NRXN1: variants seen among roughly 807,000 people sequenced by gnomAD.
The protein encoded by NRXN1 is neurexin 1, also known as neurexin-1.
NRXN1 carries 39 observed loss-of-function variants against 150.9 expected under a neutral mutation model. That is an observed-to-expected ratio of 0.26 (90% CI 0.20 to 0.34). The LOEUF (loss-of-function observed/expected upper bound fraction) is 0.34. Among genes scored for constraint, NRXN1 ranks in the 10% least tolerant of loss-of-function variants. The pLI, the probability that NRXN1 is intolerant of heterozygous loss-of-function variation, is 1.00. For synonymous variants in NRXN1, 924 were observed against 757.0 expected, an observed-to-expected ratio of 1.22 and a Z score of -3.62; for missense variants, 1,815 against 1,949.9, an observed-to-expected ratio of 0.93 and a Z score of 1.30.
intron 22 of NRXN1, among the ~76,000 whole-genome samples, chr2:49,940,459 G>A (rs1173500816): frequency 6.6e-6 from 1 of 152,066 alleles, no homozygotes; most frequent in Non-Finnish European, 1.5e-5. Flanking sequence ...CATTCAAGAT[G>A]GATTGCAAGC....
rs535884070 is a variant in NRXN1 at position 50,468,713 on chromosome 2, T to C, written c.3245-3152A>G. ...AAGGTAAACTTGAGTTTGAAACTTG[T>C]GTCATCCACTTACTAGGTGTGGGAC... On this transcript the variant is annotated intron_variant, in intron 16 of 22. Coordinates refer to ENST00000401669, the MANE Select transcript of NRXN1 (RefSeq NM_001330078.2). 5.3e-5 allele frequency among the ~76,000 whole-genome samples: 8 copies of C among 151,658 alleles called. No individual in the cohort carries two copies. The East Asian group carries it at 1.4e-3, about 26-fold the overall frequency.
intron 2 of NRXN1, among the ~76,000 whole-genome samples, chr2:50,972,089 A>C (rs1229024403): frequency 4.9e-5 from 6 of 122,224 alleles, no homozygotes; most frequent in Non-Finnish European, 9.6e-5. Context: ...TTTATTCACA[A>C]AAAAAAAAAA....
chr2:50,347,050 G>T lies in NRXN1; in HGVS notation c.3365-110080C>A. 1.5e-6 allele frequency: 2 copies of T among 1,379,284 alleles called. No individual in the cohort carries two copies. Among genetic ancestry groups the T allele is most frequent in the East Asian group, 4.2e-5 (1 of 23,650 alleles). 85.4% of individuals were successfully genotyped at this position (1,379,284 alleles called of 1,614,324 possible). On this transcript the variant is annotated intron_variant, in intron 17 of 22. Coordinates refer to ENST00000401669, the MANE Select transcript of NRXN1 (RefSeq NM_001330078.2). This position sits in a 1 kb window ranked among gnomAD's most constrained non-coding sequence, Gnocchi z 4.9. ...AGCGGGCGGCGCGGAGTGGGCTGAG[G>T]GGCCGGCCGCCTCACCGCGCCAGGG...
intron 5 of NRXN1, among the ~76,000 whole-genome samples, chr2:50,785,441 G>T (rs1382844986): frequency 1.3e-5 from 2 of 151,788 alleles, no homozygotes; most frequent in African/African-American, 4.8e-5. Flanking sequence ...GTAGAGACGG[G>T]GTTTCACCCT....
chr2:50,902,663 G>C (rs1199046401), intron 5 of NRXN1, among the ~76,000 whole-genome samples: 1 of 152,162 alleles, frequency 6.6e-6, no homozygotes, highest in Non-Finnish European at 1.5e-5. Flanking sequence ...CCCATGCATG[G>C]TGTAGTTTGA....
chr2:50,981,457 CA>C (rs70958635), intron 2 of NRXN1, among the ~76,000 whole-genome samples: 271 of 23,264 alleles, frequency 0.012, no homozygotes, highest in South Asian at 0.052. Flanking sequence ...AACTCTATCT[CA>C]AAAAAAAAAA....
chr2:51,026,524 GT>G, intron 2 of NRXN1: 1 of 1,172,080 alleles, frequency 8.5e-7, no homozygotes. Context: ...ATGCCACACT[GT>G]TTTAAGCCCC....
intron 17 of NRXN1, among the ~76,000 whole-genome samples, chr2:50,438,058 T>A (rs1470321875): frequency 6.6e-6 from 1 of 152,110 alleles, no homozygotes; most frequent in Admixed American, 6.6e-5. Flanking sequence ...AAAAATAAAT[T>A]TCCTGTTCTT....
At chr2:50,034,698 T>G (rs1356991748) in intron 21 of NRXN1, among the ~76,000 whole-genome samples, 5 of 152,084 alleles carry the variant, frequency 3.3e-5, no homozygotes, top group Admixed American at 6.6e-5. Flanking sequence ...TTTACAAATA[T>G]ATACTTAGTA....
At chr2:50,215,189 T>C (rs1036807555) in intron 18 of NRXN1, among the ~76,000 whole-genome samples, 1 of 152,058 alleles carries the variant, frequency 6.6e-6, no homozygotes, top group Non-Finnish European at 1.5e-5. Flanking sequence ...TCCATTCTAA[T>C]CCTACTCCCA....
At chr2:50,330,418 C>A (rs1202065655) in intron 17 of NRXN1, among the ~76,000 whole-genome samples, 1 of 152,004 alleles carries the variant, frequency 6.6e-6, no homozygotes, top group Admixed American at 6.6e-5. Flanking sequence ...TCTCCTTTTT[C>A]TTCTTTCATT....
At chr2:50,073,789 G>C (rs1696647748) in intron 19 of NRXN1, among the ~76,000 whole-genome samples, 1 of 152,074 alleles carries the variant, frequency 6.6e-6, no homozygotes, top group African/African-American at 2.4e-5. Flanking sequence ...GGAAGAGTTT[G>C]AGCATTCTGA....
chr2:50,172,293 A>G (rs2060077879), intron 18 of NRXN1, among the ~76,000 whole-genome samples: 1 of 152,086 alleles, frequency 6.6e-6, no homozygotes, highest in Admixed American at 6.6e-5. Flanking sequence ...ACAGATTTTA[A>G]TTAGAAAAAT....
chr2:50,397,931 C>T (rs949743610), intron 17 of NRXN1, among the ~76,000 whole-genome samples: 1 of 151,990 alleles, frequency 6.6e-6, no homozygotes, highest in African/African-American at 2.4e-5. Flanking sequence ...AAAACAAAAC[C>T]TTGCAATGTT....
At chr2:50,359,165 A>T (rs2079017096) in intron 17 of NRXN1, among the ~76,000 whole-genome samples, 1 of 152,174 alleles carries the variant, frequency 6.6e-6, no homozygotes, top group South Asian at 2.1e-4. Flanking sequence ...CAGTGCAAAG[A>T]GGCTGAGAAT....
At chr2:50,859,976 A>G (rs1305932807) in intron 5 of NRXN1, among the ~76,000 whole-genome samples, 1 of 152,048 alleles carries the variant, frequency 6.6e-6, no homozygotes, top group Non-Finnish European at 1.5e-5. Flanking sequence ...ATATTTATGG[A>G]TAAATACCTA....
At chr2:50,998,247 A>ATATCACACACAT (rs1466273050) in intron 2 of NRXN1, among the ~76,000 whole-genome samples, 1 of 141,906 alleles carries the variant, frequency 7.0e-6, no homozygotes, top group East Asian at 2.0e-4. Context: ...ATGTTAAAAA[A>ATATCACACACAT]ATTACTCACA....
chr2:50,513,049 G>C (rs951589687), intron 12 of NRXN1, among the ~76,000 whole-genome samples: 2 of 152,128 alleles, frequency 1.3e-5, no homozygotes, highest in African/African-American at 2.4e-5. Context: ...GCTTAGGCTT[G>C]GGTATGTTAG....
At chr2:50,528,911 G>A in intron 11 of NRXN1, 1 of 394,540 alleles carries the variant, frequency 2.5e-6, no homozygotes, top group African/African-American at 2.1e-5. Flanking sequence ...GTAAAGAATT[G>A]TTAAATGTCA....
Sources: gnomAD v4.1 joint callset for allele counts (sites outside exome capture counted in the v4.1 genomes callset) on GRCh38, gnomAD v4.1.1 for gene constraint, Gnocchi (gnomAD v3.1) non-coding constraint, MANE v1.5 for transcripts, NCBI Gene and HGNC (gene_info 2026-07-23, HGNC 2026-07-21) for gene names.